The following SHOC1 variants were observed in gnomAD, a reference collection of about 807,000 sequenced individuals.
SHOC1 encodes the protein protein shortage in chiasmata 1 ortholog.
In SHOC1, 136 loss-of-function variants were observed where a neutral mutation model predicts 179.2. The observed-to-expected ratio is 0.76, with a 90% CI of 0.66 to 0.87. SHOC1 has a LOEUF of 0.87. Ranked by LOEUF, SHOC1 falls within the 40% of genes least tolerant of loss-of-function variation. SHOC1 has a pLI of 0.00. For synonymous variants in SHOC1, 489 were observed against 586.6 expected, an observed-to-expected ratio of 0.83 and a Z score of 2.41; for missense variants, 1,538 against 1,700.8, an observed-to-expected ratio of 0.90 and a Z score of 1.68.
chr9:111,746,323 T>A lies in SHOC1; in HGVS notation c.990A>T (p.Leu330=), dbSNP rs1554718724. Residue 330 remains leucine, a synonymous_variant, in exon 10 of 28, where the codon CTA becomes CTT. Coordinates refer to ENST00000682961, the MANE Select transcript of SHOC1 (RefSeq NM_001378211.1). Reference sequence around the variant, plus strand: ...GTTGGCATGTTAGGAATAGAGGAGTTAGTGGCATTTCTAACTCTCCTGGAA... The same window carrying A: ...GTTGGCATGTTAGGAATAGAGGAGTAAGTGGCATTTCTAACTCTCCTGGAA... ...CSKPGELEMP[L]TPLFLTCQHS... The A allele has an allele frequency of 7.5e-6, 12 of 1,607,394 alleles. No homozygotes were observed. Among genetic ancestry groups the A allele is most frequent in the Non-Finnish European group, 9.4e-6 (11 of 1,174,222 alleles).
In SHOC1 at chr9:111,699,963, C is replaced by T. The variant is rs1399409297; in HGVS notation, c.3174G>A (p.Leu1058=). The change falls in exon 24 of 28, where the codon CTG becomes CTA. Residue 1058 remains leucine (L), a synonymous_variant. Coordinates refer to ENST00000682961, the MANE Select transcript of SHOC1 (RefSeq NM_001378211.1). ...LVSFGLNSEE[L]DVKLIIAPGV... ...CATAGGAAAAGAATACCTTTACATC[C>T]AGTTCTTCAGAGTTTAGCCCAAATG... is the stretch of plus-strand genomic sequence containing the variant. 1 of 1,600,032 alleles carries T rather than the reference C, an allele frequency of 6.2e-7. No individual in the cohort carries two copies. Among genetic ancestry groups the T allele is most frequent in the East Asian group, 2.2e-5 (1 of 44,598 alleles).
At chr9:111,719,902 T>C (rs776433785) in intron 15 of SHOC1, among the ~76,000 whole-genome samples, 1 of 152,210 alleles carries the variant, frequency 6.6e-6, no homozygotes, top group Non-Finnish European at 1.5e-5. Flanking sequence ...CATCTAAGTT[T>C]AATGAATTTA....
intron 20 of SHOC1, among the ~76,000 whole-genome samples, chr9:111,705,668 T>A (rs1401805317): frequency 6.6e-6 from 1 of 151,944 alleles, no homozygotes; most frequent in Non-Finnish European, 1.5e-5. Flanking sequence ...CTCACTTCAA[T>A]AAAGAGAAAA....
chr9:111,686,913 T>A, intron 27 of SHOC1, 43 bp from the exon 28 acceptor site: 3 of 1,194,992 alleles, frequency 2.5e-6, no homozygotes, highest in Non-Finnish European at 1.2e-6. Context: ...TTGCTTACAA[T>A]AGTAAAGTAT....
rs1833104049 is a variant in SHOC1 at position 111,722,493 on chromosome 9, A to C, written c.2047T>G (p.Trp683Gly). The C allele has an allele frequency of 3.1e-6, 5 of 1,612,970 alleles. No homozygotes were observed. The South Asian group carries it at 4.4e-5, about 14-fold the overall frequency. The change falls in exon 15 of 28, where the codon TGG (tryptophan) becomes GGG (glycine). Residue 683 changes from tryptophan to glycine, a missense_variant. Coordinates refer to ENST00000682961, the MANE Select transcript of SHOC1 (RefSeq NM_001378211.1). ...TCAAAAATAACAGTGGCAAATTTCC[A>C]ATTAGCAGTAGGGAGGGTACACAAG... ...VSLCTLPTAN[W>G]KFATVIFDQT...
At chr9:111,746,620 G>T (rs949512533) in intron 9 of SHOC1, among the ~76,000 whole-genome samples, 2 of 152,122 alleles carry the variant, frequency 1.3e-5, no homozygotes, top group African/African-American at 2.4e-5. Context: ...AATGAGCTGT[G>T]ATTGTGTCAC....
chr9:111,729,544 A>G (rs1833469576), intron 12 of SHOC1, among the ~76,000 whole-genome samples: 1 of 152,134 alleles, frequency 6.6e-6, no homozygotes, highest in Non-Finnish European at 1.5e-5. Context: ...TTCACGAAAG[A>G]TTTTTCTGTA....
chr9:111,706,787 T>C (rs748967749), intron 19 of SHOC1, 41 bp from the exon 20 acceptor site: 2 of 1,390,920 alleles, frequency 1.4e-6, no homozygotes, highest in Non-Finnish European at 1.9e-6. Flanking sequence ...ATTATACTTG[T>C]GTTATTATTT....
At chr9:111,792,244 T>G (rs2131660946) in intron 1 of SHOC1, among the ~76,000 whole-genome samples, 2 of 152,046 alleles carry the variant, frequency 1.3e-5, no homozygotes, top group South Asian at 4.2e-4. Context: ...TAGGACAGAG[T>G]AACTTCTGTG....
At chr9:111,770,267 T>C (rs1226809286) in intron 5 of SHOC1, among the ~76,000 whole-genome samples, 1 of 152,280 alleles carries the variant, frequency 6.6e-6, no homozygotes, top group East Asian at 1.9e-4. Flanking sequence ...AAGTTCCTTC[T>C]TAACTTTTTC....
At chr9:111,729,426 T>C (rs1037522543) in intron 12 of SHOC1, among the ~76,000 whole-genome samples, 1 of 152,194 alleles carries the variant, frequency 6.6e-6, no homozygotes, top group Non-Finnish European at 1.5e-5. Context: ...TGTCTCAATG[T>C]TGACAGCTGC....
chr9:111,758,671 A>C (rs774179017), intron 6 of SHOC1, 24 bp downstream of exon 6: 15 of 1,541,788 alleles, frequency 9.7e-6, no homozygotes, highest in South Asian at 1.3e-5. Flanking sequence ...AAATATTTAC[A>C]GCATTGGTCA....
intron 1 of SHOC1, among the ~76,000 whole-genome samples, chr9:111,792,477 C>A (rs991541301): frequency 2.6e-5 from 4 of 152,038 alleles, no homozygotes; most frequent in Non-Finnish European, 4.4e-5. Flanking sequence ...TGGTGTGCAC[C>A]TGTAGTCCCA....
In SHOC1 at chr9:111,693,954, A is replaced by T. The variant is rs376430566; in HGVS notation, c.3316-6T>A. 9 of 1,602,636 alleles carry T rather than the reference A, an allele frequency of 5.6e-6. No homozygotes were observed. Among genetic ancestry groups the T allele is most frequent in the Non-Finnish European group, 7.7e-6 (9 of 1,172,794 alleles). On this transcript the variant is annotated splice_region_variant and splice_polypyrimidine_tract_variant and intron_variant, in intron 25 of 27. Transcript: ENST00000682961. ...TCAAGTAAGTACATTTCTTCCTAGAAAAGAGTTTAAGAAATAATCAGTCAG... is the reference window on the plus strand; with the variant it reads ...TCAAGTAAGTACATTTCTTCCTAGATAAGAGTTTAAGAAATAATCAGTCAG...
intron 12 of SHOC1, among the ~76,000 whole-genome samples, chr9:111,737,052 G>A (rs569480334): frequency 2.8e-4 from 42 of 152,176 alleles, no homozygotes; most frequent in East Asian, 9.6e-4. Context: ...TTAAAAAGTT[G>A]AAAAACAATA....
At chr9:111,721,364 A>G (rs1473433642) in intron 15 of SHOC1, among the ~76,000 whole-genome samples, 1 of 152,128 alleles carries the variant, frequency 6.6e-6, no homozygotes, top group Non-Finnish European at 1.5e-5. Context: ...TTTTGAGACG[A>G]AGTCTCACTC....
chr9:111,724,473 G>C (rs1240307939), intron 13 of SHOC1, among the ~76,000 whole-genome samples: 2 of 151,860 alleles, frequency 1.3e-5, no homozygotes, highest in Non-Finnish European at 2.9e-5. Context: ...CCAAGTAGCT[G>C]GGAGCACAGG....
intron 5 of SHOC1, 158 bp from the exon 6 acceptor site, chr9:111,759,006 T>C (rs747301320): frequency 4.6e-5 from 44 of 959,320 alleles, no homozygotes; most frequent in Non-Finnish European, 6.6e-5. Context: ...ATAGAGCATG[T>C]AGCATAGTTC....
At chr9:111,710,431 C>T (rs1024832724) in intron 18 of SHOC1, among the ~76,000 whole-genome samples, 4 of 152,092 alleles carry the variant, frequency 2.6e-5, no homozygotes, top group Admixed American at 6.6e-5. Flanking sequence ...TTGTATATTT[C>T]GGTTCAGTCT....
Sources: gnomAD v4.1 joint callset for allele counts (sites outside exome capture counted in the v4.1 genomes callset) on GRCh38, gnomAD v4.1.1 for gene constraint, MANE v1.5 for transcripts, NCBI Gene and HGNC (gene_info 2026-07-23, HGNC 2026-07-21) for gene names.